The following PRKG1 variants were observed in gnomAD, a reference collection of about 807,000 sequenced individuals.
The protein encoded by PRKG1 is protein kinase cGMP-dependent 1.
Under a neutral mutation model 88.1 loss-of-function variants are expected in PRKG1, and 35 were observed. That is an observed-to-expected ratio of 0.40 (90% confidence interval 0.30 to 0.53). The LOEUF is 0.53. Ranked by LOEUF, PRKG1 falls within the 20% of genes least tolerant of loss-of-function variation. The probability of loss-of-function intolerance (pLI) is 0.59; values close to 1 mark genes in which losing one functional copy is unlikely to be tolerated. For missense variants in PRKG1, 540 were observed against 839.8 expected (o/e 0.64, Z 4.41); for synonymous variants, 303 against 292.5 (o/e 1.04, Z -0.37).
rs1005513135 is a variant in PRKG1 at position 51,147,425 on chromosome 10, A to G, written c.312-5739A>G. Among the ~76,000 whole-genome samples, 4 of 117,338 alleles carry G rather than the reference A, an allele frequency of 3.4e-5. No individual in the cohort carries two copies. The South Asian group carries it at 1.0e-3, about 30-fold the overall frequency. 77.0% of individuals were successfully genotyped at this position (117,338 alleles called of 152,430 possible). Reference sequence around the variant, plus strand: ...AAATATGTACCGTTACTACATGTCAACTAAAAGTAAAAGGAAAAAAAAAAC... The same window carrying G: ...AAATATGTACCGTTACTACATGTCAGCTAAAAGTAAAAGGAAAAAAAAAAC... On this transcript the variant is annotated intron_variant, in intron 1 of 17. Transcript: ENST00000373980.
At chr10:51,146,424 A>AATTATTATT (rs71029350) in intron 1 of PRKG1, among the ~76,000 whole-genome samples, 7 of 149,138 alleles carry the variant, frequency 4.7e-5, no homozygotes, top group East Asian at 2.0e-4. Flanking sequence ...GTTTTAATCA[A>AATTATTATT]ATTATTATTA....
At chr10:51,377,062 T>A (rs925691900) in intron 2 of PRKG1, among the ~76,000 whole-genome samples, 1 of 152,084 alleles carries the variant, frequency 6.6e-6, no homozygotes, top group African/African-American at 2.4e-5. Context: ...TGAATACACT[T>A]AATGTTATAA....
At chr10:51,054,868 C>T (rs1395931819) in intron 1 of PRKG1, among the ~76,000 whole-genome samples, 2 of 152,084 alleles carry the variant, frequency 1.3e-5, no homozygotes. Flanking sequence ...CAAAAATGCC[C>T]ACCTCATACA....
In PRKG1 at chr10:51,006,933, G is replaced by A. The variant is rs141454779; in HGVS notation, c.266+15289G>A. Among the ~76,000 whole-genome samples, 846 of 121,874 alleles carry A rather than the reference G, an allele frequency of 6.9e-3. 9 individuals carry two copies. Among genetic ancestry groups the A allele is most frequent in the African/African-American group, 0.025 (778 of 30,654 alleles). 80.0% of individuals were successfully genotyped at this position (121,874 alleles called of 152,430 possible). A position where few individuals can be genotyped will look rare whatever the true frequency, so the allele number is the denominator to read the frequency against. On this transcript the variant is annotated intron_variant, in intron 1 of 17. Transcript: ENST00000401604. ...ATTCAGTAGGTCTGGGGAAGGGCCT[G>A]AGATTTTTTTTTTTTTTTTTTTTGA...
At chr10:52,280,970 A>C in intron 13 of PRKG1, 40 bp downstream of exon 13, 1 of 1,577,316 alleles carries the variant, frequency 6.3e-7, no homozygotes, top group African/African-American at 1.4e-5. Flanking sequence ...CTGCAGATTA[A>C]AAATATTTGT....
At chr10:51,964,733 G>A (rs571331648) in intron 5 of PRKG1, among the ~76,000 whole-genome samples, 8 of 152,082 alleles carry the variant, frequency 5.3e-5, no homozygotes, top group Non-Finnish European at 1.2e-4. Context: ...TGATAGAACT[G>A]ACATTAAATT....
intron 9 of PRKG1, among the ~76,000 whole-genome samples, chr10:52,234,284 C>A (rs548781793): frequency 6.6e-6 from 1 of 152,346 alleles, no homozygotes; most frequent in South Asian, 2.1e-4. Context: ...GAACGCAGTT[C>A]CTCACCAGCA....
chr10:51,435,849 G>A (rs892353042), intron 2 of PRKG1, among the ~76,000 whole-genome samples: 3 of 151,940 alleles, frequency 2.0e-5, no homozygotes, highest in African/African-American at 4.8e-5. Context: ...TGGGCTGTGA[G>A]TACTTATTTG....
chr10:51,005,672 GAGTTTAAACGAA>G (rs1842933981), intron 1 of PRKG1, among the ~76,000 whole-genome samples: 1 of 152,176 alleles, frequency 6.6e-6, no homozygotes, highest in South Asian at 2.1e-4. Context: ...TTTGAAGGCC[GAGTTTAAACGAA>G]ACACTGTGAT....
chr10:51,684,257 T>C (rs1840928667), intron 3 of PRKG1, among the ~76,000 whole-genome samples: 2 of 152,216 alleles, frequency 1.3e-5, no homozygotes, highest in South Asian at 4.1e-4. Flanking sequence ...ATACGTTGTA[T>C]GATTCACTTT....
intron 3 of PRKG1, among the ~76,000 whole-genome samples, chr10:51,751,351 C>A (rs1011527225): frequency 6.6e-6 from 1 of 152,176 alleles, no homozygotes; most frequent in African/African-American, 2.4e-5. Flanking sequence ...GATTATCATG[C>A]CTCAGCCTCT....
chr10:52,014,356 A>C (rs11000462), intron 5 of PRKG1, among the ~76,000 whole-genome samples: 24,040 of 151,902 alleles, frequency 0.16, 2,411 homozygotes, highest in East Asian at 0.32. Flanking sequence ...AGAGCCAAAC[A>C]CTTTGAAACC....
chr10:52,195,122 C>T (rs1479066930), intron 9 of PRKG1, among the ~76,000 whole-genome samples: 1 of 152,072 alleles, frequency 6.6e-6, no homozygotes, highest in African/African-American at 2.4e-5. Context: ...GTGTTTTTGG[C>T]ATAACTCCTA....
intron 5 of PRKG1, among the ~76,000 whole-genome samples, chr10:51,932,510 T>C (rs1842715584): frequency 6.6e-6 from 1 of 152,184 alleles, no homozygotes; most frequent in African/African-American, 2.4e-5. Flanking sequence ...GGAAGTTGGA[T>C]TGGGATCTAG....
chr10:51,107,001 A>G (rs995760053), intron 1 of PRKG1, among the ~76,000 whole-genome samples: 1 of 152,238 alleles, frequency 6.6e-6, no homozygotes, highest in Non-Finnish European at 1.5e-5. Flanking sequence ...AAATGTTTTG[A>G]ATGAATGAAA....
chr10:52,135,631 G>A (rs1377976747), intron 8 of PRKG1, among the ~76,000 whole-genome samples: 1 of 152,026 alleles, frequency 6.6e-6, no homozygotes, highest in Non-Finnish European at 1.5e-5. Context: ...GGAGAAATTA[G>A]GGATGTAGTT....
chr10:51,250,413 G>A (rs1303727037), intron 2 of PRKG1, among the ~76,000 whole-genome samples: 3 of 151,830 alleles, frequency 2.0e-5, no homozygotes. Context: ...TGGGAAGTAT[G>A]TTTCAGAATG....
At chr10:51,632,454 C>T (rs140732016) in intron 3 of PRKG1, among the ~76,000 whole-genome samples, 244 of 152,244 alleles carry the variant, frequency 1.6e-3, no homozygotes, top group African/African-American at 5.7e-3. Context: ...CACGTGCACA[C>T]CCATCGCAGT....
At chr10:51,544,537 G>A (rs897181228) in intron 3 of PRKG1, among the ~76,000 whole-genome samples, 9 of 152,006 alleles carry the variant, frequency 5.9e-5, no homozygotes, top group Non-Finnish European at 8.8e-5. Flanking sequence ...TGTCTTTATA[G>A]CAGCATGATT....
Sources: gnomAD v4.1 joint callset for allele counts (sites outside exome capture counted in the v4.1 genomes callset) on GRCh38, gnomAD v4.1.1 for gene constraint, MANE v1.5 for transcripts, NCBI Gene and HGNC (gene_info 2026-07-23, HGNC 2026-07-21) for gene names.